The following ATP5PO variants were observed in gnomAD, a reference collection of about 807,000 sequenced individuals.
ATP5PO encodes the protein ATP synthase peripheral stalk subunit OSCP, mitochondrial.
A neutral mutation model predicts 26.2 loss-of-function variants in ATP5PO; 14 were observed. That is an observed-to-expected ratio of 0.53 (90% CI 0.35 to 0.83). ATP5PO has a LOEUF of 0.83. Ranked by LOEUF, ATP5PO falls within the 40% of genes least tolerant of loss-of-function variation. The probability of loss-of-function intolerance (pLI) is 0.01; values close to 1 mark genes in which losing one functional copy is unlikely to be tolerated. For synonymous variants in ATP5PO, 106 were observed against 95.1 expected, an observed-to-expected ratio of 1.12 and a Z score of -0.67; for missense variants, 241 against 258.5, an observed-to-expected ratio of 0.93 and a Z score of 0.46.
chr21:33,910,434 G>A (rs941087030), intron 3 of ATP5PO, among the ~76,000 whole-genome samples: 3 of 152,152 alleles, frequency 2.0e-5, no homozygotes, highest in Non-Finnish European at 2.9e-5. Flanking sequence ...AGAGGACAGT[G>A]CGTATCCTTG....
intron 5 of ATP5PO, among the ~76,000 whole-genome samples, chr21:33,905,483 T>C (rs1309338027): frequency 6.6e-6 from 1 of 152,224 alleles, no homozygotes; most frequent in Non-Finnish European, 1.5e-5. Flanking sequence ...CTAAAGCCTG[T>C]GCTCTTAGTC....
intron 6 of ATP5PO, 78 bp from the exon 7 acceptor site, chr21:33,903,717 A>C: frequency 6.8e-7 from 1 of 1,460,736 alleles, no homozygotes; most frequent in South Asian, 1.1e-5. Flanking sequence ...TGAAAGGCTA[A>C]ATGTGTTGCA....
chr21:33,906,880 A>T, intron 5 of ATP5PO: 1 of 413,040 alleles, frequency 2.4e-6, no homozygotes, highest in Non-Finnish European at 4.9e-6. Context: ...AATCCCAGCT[A>T]CTCAGGAAGC....
intron 5 of ATP5PO, chr21:33,907,057 C>CT (rs1987182508): frequency 2.5e-6 from 1 of 405,608 alleles, no homozygotes; most frequent in Non-Finnish European, 4.6e-6. Flanking sequence ...ATAATTCAAA[C>CT]ATATAATAGA....
intron 2 of ATP5PO, among the ~76,000 whole-genome samples, chr21:33,914,098 C>T (rs916170351): frequency 6.6e-5 from 10 of 151,922 alleles, no homozygotes; most frequent in East Asian, 1.9e-4. Context: ...ATTTTAATAT[C>T]GTCTCCTGTA....
intron 4 of ATP5PO, among the ~76,000 whole-genome samples, chr21:33,907,776 T>C (rs187221156): frequency 7.9e-5 from 12 of 151,666 alleles, no homozygotes; most frequent in Admixed American, 5.2e-4. Flanking sequence ...CAGTGTGCTA[T>C]GACTGTCCTA....
chr21:33,906,970 C>T (rs1987181462), intron 5 of ATP5PO: 1 of 340,344 alleles, frequency 2.9e-6, no homozygotes, highest in East Asian at 7.8e-5. Flanking sequence ...GCCTGGGTGA[C>T]AAAGTGAGAC....
chr21:33,904,902 G>A (rs535408031), intron 5 of ATP5PO, among the ~76,000 whole-genome samples: 15 of 152,118 alleles, frequency 9.9e-5, no homozygotes, highest in Admixed American at 3.3e-4. Flanking sequence ...CATCACACCC[G>A]GCTAATTTTT....
At chr21:33,913,681 G>A (rs1454852098) in intron 2 of ATP5PO, among the ~76,000 whole-genome samples, 2 of 152,118 alleles carry the variant, frequency 1.3e-5, no homozygotes, top group East Asian at 1.9e-4. Context: ...CTGAAATAGT[G>A]AGCCTCCTTG....
intron 5 of ATP5PO, among the ~76,000 whole-genome samples, chr21:33,905,152 CT>C (rs1336084274): frequency 6.6e-6 from 1 of 151,918 alleles, no homozygotes; most frequent in Non-Finnish European, 1.5e-5. Flanking sequence ...TAACAATATC[CT>C]TTTTTTGGGG....
intron 4 of ATP5PO, 62 bp downstream of exon 4, chr21:33,909,020 C>A: frequency 6.6e-7 from 1 of 1,513,920 alleles, no homozygotes; most frequent in South Asian, 1.2e-5. Context: ...GCCCACAGTC[C>A]ATGGACCACA....
intron 3 of ATP5PO, among the ~76,000 whole-genome samples, chr21:33,911,613 A>G (rs887160378): frequency 2.0e-5 from 3 of 151,168 alleles, no homozygotes; most frequent in African/African-American, 7.3e-5. Flanking sequence ...ACAAATTCTC[A>G]GTAAAACCAA....
intron 3 of ATP5PO, 67 bp from the exon 4 acceptor site, chr21:33,909,278 ACTTT>A (rs1244880700): frequency 5.1e-5 from 78 of 1,515,768 alleles, no homozygotes; most frequent in African/African-American, 2.7e-4. Context: ...CCATGCACAC[ACTTT>A]CTTTCTTTCT....
intron 5 of ATP5PO, 150 bp downstream of exon 5, chr21:33,907,191 C>T (rs1279997688): frequency 4.5e-6 from 3 of 669,390 alleles, no homozygotes; most frequent in Non-Finnish European, 7.6e-6. Flanking sequence ...CAAAGGGTCA[C>T]AGAAGCTGAT....
intron 5 of ATP5PO, among the ~76,000 whole-genome samples, chr21:33,904,227 AC>A (rs1569365485): frequency 6.6e-6 from 1 of 151,784 alleles, no homozygotes; most frequent in Non-Finnish European, 1.5e-5. Flanking sequence ...TCACAGCATC[AC>A]CCGGGCAGCT....
Position 33,903,521 on chromosome 21 carries a change from C to T in ATP5PO, c.*5G>A, listed in dbSNP as rs1227320043. ...ATTTTCACTGATGGCAGAAAACCAA[C>T]ACTTTTAGACAATCTCCCGCATAGC... is the stretch of plus-strand genomic sequence containing the variant. On this transcript the variant is annotated 3_prime_UTR_variant, in exon 7 of 7. Coordinates refer to ENST00000290299, the MANE Select transcript of ATP5PO (RefSeq NM_001697.3). 1 of 1,606,140 alleles carries T rather than the reference C, an allele frequency of 6.2e-7. No homozygotes were observed. Among genetic ancestry groups the T allele is most frequent in the Admixed American group, 1.7e-5 (1 of 58,672 alleles).
chr21:33,907,337 T>C lies in ATP5PO; in HGVS notation c.441+4A>G. 6.2e-7 allele frequency: 1 copy of C among 1,608,996 alleles called. No homozygotes were observed. The highest frequency in any genetic ancestry group is 8.5e-7 in the Non-Finnish European group (1 of 1,175,528). ...AAACACAGCAGCAACAACCCGTTAC[T>C]TACAGATGCAGAGGTCACTGTGCAA... is the stretch of plus-strand genomic sequence containing the variant. On this transcript the variant is annotated splice_donor_region_variant and intron_variant, in intron 5 of 6. Coordinates refer to ENST00000290299, the MANE Select transcript of ATP5PO (RefSeq NM_001697.3).
Position 33,903,650 on chromosome 21 carries a change from A to T in ATP5PO, c.529-11T>A. ...GATTGACGGATCAGTCTACAAAAGAAGTAAGACTGGAAATGTGAAAACGCG... is the reference window on the plus strand; with the variant it reads ...GATTGACGGATCAGTCTACAAAAGATGTAAGACTGGAAATGTGAAAACGCG... On this transcript the variant is annotated splice_polypyrimidine_tract_variant and intron_variant, in intron 6 of 6. Transcript: ENST00000290299. 1 of 1,613,206 alleles carries T rather than the reference A, an allele frequency of 6.2e-7. No homozygotes were observed. Among genetic ancestry groups the T allele is most frequent in the South Asian group, 1.1e-5 (1 of 91,036 alleles).
At chr21:33,905,366 C>T (rs1375685656) in intron 5 of ATP5PO, among the ~76,000 whole-genome samples, 1 of 152,082 alleles carries the variant, frequency 6.6e-6, no homozygotes, top group African/African-American at 2.4e-5. Flanking sequence ...TCATTATGCC[C>T]ATTTTACATA....
Sources: allele counts gnomAD v4.1 joint callset (sites outside exome capture counted in the v4.1 genomes callset), GRCh38; gene constraint gnomAD v4.1.1; transcripts MANE v1.5; gene names NCBI Gene and HGNC (gene_info 2026-07-23, HGNC 2026-07-21).